Variants in RPH3AL observed in about 807,000 individuals in gnomAD.
The protein encoded by RPH3AL is rabphilin 3A like (without C2 domains), also known as rab effector Noc2.
RPH3AL carries 38 observed loss-of-function variants against 43.1 expected under a neutral mutation model. That is an observed-to-expected ratio of 0.88 (90% CI 0.68 to 1.15). The LOEUF (loss-of-function observed/expected upper bound fraction) is 1.15, where lower values mean the gene tolerates loss of function less well. Ranked by LOEUF, RPH3AL falls within the 50% of genes most tolerant of loss-of-function variation. The pLI is 0.00. For missense variants in RPH3AL, 462 were observed against 423.2 expected, an observed-to-expected ratio of 1.09 and a Z score of -0.81; for synonymous variants, 189 against 176.3, an observed-to-expected ratio of 1.07 and a Z score of -0.57.
In RPH3AL at chr17:309,399, GCCCTGCCCAGGGCT is replaced by G. The variant is rs1370346596; in HGVS notation, c.351+10007_351+10020del. On this transcript the variant is annotated intron_variant, in intron 5 of 9. Transcript: ENST00000331302. ...GCCTTAGGAAAATGGCATGTACCCC[GCCCTGCCCAGGGCT>G]CCTGCCAGCCCCCTGCTGGGGGTCC... 1.5e-4 allele frequency among the ~76,000 whole-genome samples: 20 copies of G among 137,802 alleles called. No individual in the cohort carries two copies. The South Asian group carries it at 4.9e-3, about 34-fold the overall frequency. 90.4% of individuals were successfully genotyped at this position (137,802 alleles called of 152,430 possible). A position where few individuals can be genotyped will look rare whatever the true frequency, so the allele number is the denominator to read the frequency against.
At chr17:298,669 C>T (rs1160408685) in intron 5 of RPH3AL, among the ~76,000 whole-genome samples, 1 of 150,940 alleles carries the variant, frequency 6.6e-6, no homozygotes. Context: ...CAGGCCACTG[C>T]GCTCCAGCCT....
intron 6 of RPH3AL, among the ~76,000 whole-genome samples, chr17:277,858 G>T (rs186923577): frequency 9.6e-4 from 146 of 152,164 alleles, no homozygotes; most frequent in African/African-American, 3.3e-3. Flanking sequence ...GGGAGGCTGA[G>T]GGGGGAGGGT....
At position 316,145 on chromosome 17, in the gene RPH3AL, T is replaced by C. The variant is rs867110544; in HGVS notation, c.351+3275A>G. Among the ~76,000 whole-genome samples, 948 of 114,270 alleles carry C rather than the reference T, an allele frequency of 8.3e-3. 42 individuals are homozygous for C. The highest frequency in any genetic ancestry group is 0.029 in the African/African-American group (879 of 29,848). 75.0% of individuals were successfully genotyped at this position (114,270 alleles called of 152,430 possible). A position where few individuals can be genotyped will look rare whatever the true frequency, so the allele number is the denominator to read the frequency against. On this transcript the variant is annotated intron_variant, in intron 5 of 9. Transcript: ENST00000331302. ...CTCCATTGACCTGCAGTCCCTGTGC[T>C]CCACCTCCATTGACCTGTAGTCCCT...
chr17:324,356 G>A (rs142256073), intron 3 of RPH3AL, among the ~76,000 whole-genome samples: 18 of 152,256 alleles, frequency 1.2e-4, no homozygotes, highest in East Asian at 5.8e-4. Context: ...CCTGATGCCC[G>A]CCTGCGGCCA....
rs372829210 is a variant in RPH3AL, at chr17:219,753, A to G, written c.614-17T>C. 1.3e-6 allele frequency: 2 copies of G among 1,592,276 alleles called. No individual in the cohort carries two copies. The highest frequency in any genetic ancestry group is 2.7e-5 in the African/African-American group (2 of 74,338). ...TGGAAACCACTGGAAGAGACAGACCACAGCACAGGAGGTCACCCGACCAGC... is the reference window on the plus strand; with the variant it reads ...TGGAAACCACTGGAAGAGACAGACCGCAGCACAGGAGGTCACCCGACCAGC... On this transcript the variant is annotated splice_polypyrimidine_tract_variant and intron_variant, in intron 7 of 9. Transcript: ENST00000331302.
chr17:226,984 G>A (rs1020464777), intron 7 of RPH3AL, among the ~76,000 whole-genome samples: 2 of 152,206 alleles, frequency 1.3e-5, no homozygotes, highest in East Asian at 1.9e-4. Context: ...TGGAAGATGC[G>A]AGTACACCAG....
At chr17:240,841 C>T (rs1417540220) in intron 7 of RPH3AL, among the ~76,000 whole-genome samples, 2 of 152,132 alleles carry the variant, frequency 1.3e-5, no homozygotes, top group East Asian at 1.9e-4. Flanking sequence ...GGGAGGATCA[C>T]GAGGTCAGGA....
intron 5 of RPH3AL, among the ~76,000 whole-genome samples, chr17:311,033 CATT>C (rs2043633372): frequency 6.6e-6 from 1 of 151,866 alleles, no homozygotes; most frequent in Non-Finnish European, 1.5e-5. Context: ...TGCACCTGCC[CATT>C]CACTGCTCAA....
chr17:253,074 G>A (rs574668161), intron 6 of RPH3AL, among the ~76,000 whole-genome samples: 1 of 152,192 alleles, frequency 6.6e-6, no homozygotes, highest in East Asian at 1.9e-4. Flanking sequence ...TGGAATCCAA[G>A]GCCTCCTCTG....
rs866391986 is a variant in RPH3AL, at chr17:274,303, G to A, written c.438+7465C>T. Among the ~76,000 whole-genome samples the A allele has an allele frequency of 1.1e-4, 16 of 152,338 alleles. No homozygotes were observed. The highest frequency in any genetic ancestry group is 6.8e-3 in the Middle Eastern group (2 of 294). On this transcript the variant is annotated intron_variant, in intron 6 of 9. Coordinates refer to ENST00000331302, the MANE Select transcript of RPH3AL (RefSeq NM_006987.4). This position sits in a 1 kb window ranked among gnomAD's most constrained non-coding sequence, Gnocchi z 4.7. ...GGGGATGAGGCGGGAGACGGGAGGC[G>A]TGCCATGGACCACCTGGGCCTCGCC... is the stretch of plus-strand genomic sequence containing the variant.
intron 5 of RPH3AL, among the ~76,000 whole-genome samples, chr17:301,910 G>A (rs996775923): frequency 6.6e-6 from 1 of 152,278 alleles, no homozygotes. Context: ...CTTGCCTTTT[G>A]CCTGCCCATC....
At chr17:343,947 A>G (rs369733952) in intron 1 of RPH3AL, among the ~76,000 whole-genome samples, 2 of 56,720 alleles carry the variant, frequency 3.5e-5, no homozygotes, top group African/African-American at 1.1e-4. Context: ...TCATCATAAT[A>G]TTCACCATCA....
chr17:331,056 T>TGAGGGAGGCGAGG (rs2044742142), intron 2 of RPH3AL: 1 of 146,118 alleles, frequency 6.8e-6, no homozygotes, highest in Non-Finnish European at 1.5e-5. Flanking sequence ...CTGAGTTACA[T>TGAGGGAGGCGAGG]GAGGGAGGCG....
At chr17:293,031 C>T (rs976007594) in intron 5 of RPH3AL, among the ~76,000 whole-genome samples, 22 of 152,192 alleles carry the variant, frequency 1.4e-4, no homozygotes, top group African/African-American at 4.8e-4. Flanking sequence ...GCTGGCGGCT[C>T]CCAGGGGAAC....
chr17:341,810 A>C (rs2045126993), intron 1 of RPH3AL, among the ~76,000 whole-genome samples: 1 of 152,214 alleles, frequency 6.6e-6, no homozygotes, highest in African/African-American at 2.4e-5. Context: ...GGCCCCCCAG[A>C]TAGCTGAGAT....
chr17:238,063 C>T (rs961535159), intron 7 of RPH3AL, among the ~76,000 whole-genome samples: 16 of 151,848 alleles, frequency 1.1e-4, no homozygotes, highest in Admixed American at 6.6e-4. Context: ...TGCTTGAGTC[C>T]GGGAAGTCGT....
chr17:315,202 T>A (rs1598092161), intron 5 of RPH3AL, among the ~76,000 whole-genome samples: 1 of 96,966 alleles, frequency 1.0e-5, no homozygotes, highest in Non-Finnish European at 1.9e-5. Flanking sequence ...GTGCTCCACC[T>A]CCATTCACCT....
At chr17:319,356 C>T in intron 5 of RPH3AL, 64 bp downstream of exon 5, 2 of 1,570,324 alleles carry the variant, frequency 1.3e-6, no homozygotes, top group South Asian at 1.2e-5. Flanking sequence ...GATGCAAAGC[C>T]ACAGCGCAGC....
chr17:242,048 C>T (rs1358315177), intron 7 of RPH3AL, among the ~76,000 whole-genome samples: 1 of 151,912 alleles, frequency 6.6e-6, no homozygotes, highest in African/African-American at 2.4e-5. Flanking sequence ...ATCCAAAAGG[C>T]GGAGGTTGCA....
Sources: gnomAD v4.1 joint callset for allele counts (sites outside exome capture counted in the v4.1 genomes callset) on GRCh38, gnomAD v4.1.1 for gene constraint, Gnocchi (gnomAD v3.1) non-coding constraint, MANE v1.5 for transcripts, NCBI Gene and HGNC (gene_info 2026-07-23, HGNC 2026-07-21) for gene names.